The following WDR26 variants were observed in gnomAD, a reference collection of about 807,000 sequenced individuals.
The protein encoded by WDR26 is WD repeat domain 26.
In WDR26, 5 loss-of-function variants were observed where a neutral mutation model predicts 84.1. The observed-to-expected ratio is 0.06, with a 90% CI of 0.03 to 0.13. The LOEUF (loss-of-function observed/expected upper bound fraction) is 0.13, where lower values mean the gene tolerates loss of function less well. Among genes scored for constraint, WDR26 ranks in the 10% least tolerant of loss-of-function variants. The pLI is 1.00. For synonymous variants in WDR26, 415 were observed against 389.6 expected, an observed-to-expected ratio of 1.07 and a Z score of -0.77; for missense variants, 642 against 974.9, an observed-to-expected ratio of 0.66 and a Z score of 4.55.
At chr1:224,428,295 G>T (rs1010901675) in intron 3 of WDR26, among the ~76,000 whole-genome samples, 2 of 152,086 alleles carry the variant, frequency 1.3e-5, no homozygotes, top group African/African-American at 4.8e-5. Context: ...GGTTCTCAAG[G>T]GCGGCCTCCT....
At chr1:224,397,155 A>ATATTTTTTT (rs1673289351) in intron 12 of WDR26, among the ~76,000 whole-genome samples, 2 of 152,092 alleles carry the variant, frequency 1.3e-5, no homozygotes, top group Non-Finnish European at 2.9e-5. Context: ...GATTCAGTAT[A>ATATTTTTTT]TATTTTTTTA....
chr1:224,427,101 C>A, intron 3 of WDR26, among the ~76,000 whole-genome samples: 2 of 64,870 alleles, frequency 3.1e-5, no homozygotes, highest in African/African-American at 1.1e-4. Flanking sequence ...AAAACTCTGT[C>A]TCCAAAAAAA....
chr1:224,411,826 T>C (rs1455111612), intron 6 of WDR26, among the ~76,000 whole-genome samples: 1 of 151,880 alleles, frequency 6.6e-6, no homozygotes, highest in Admixed American at 6.6e-5. Flanking sequence ...CCACCTCAGC[T>C]TCCTGAGTAG....
chr1:224,428,657 G>C (rs1350183122), intron 3 of WDR26, among the ~76,000 whole-genome samples: 2 of 151,900 alleles, frequency 1.3e-5, no homozygotes, highest in African/African-American at 4.8e-5. Context: ...AGCACTCTGC[G>C]AGGCTGAGGC....
Position 224,434,127 on chromosome 1 carries a change from G to A in WDR26, c.279C>T (p.His93=). 2 of 1,426,010 alleles carry A rather than the reference G, an allele frequency of 1.4e-6. No individual in the cohort carries two copies. Among genetic ancestry groups the A allele is most frequent in the Non-Finnish European group, 1.8e-6 (2 of 1,093,876 alleles). 88.3% of individuals were successfully genotyped at this position (1,426,010 alleles called of 1,614,324 possible). ...GCATGATGCTGCCGCTGACCAGGCT[G>A]TGGCCGCTACTTCGGTGGGGGACAG... Residue 93 remains histidine (H), a synonymous_variant, in exon 1 of 14, where the codon CAC becomes CAT. Transcript: ENST00000414423.
At chr1:224,394,878 G>A (rs1202591839) in intron 12 of WDR26, among the ~76,000 whole-genome samples, 1 of 152,154 alleles carries the variant, frequency 6.6e-6, no homozygotes, top group African/African-American at 2.4e-5. Context: ...TGGTAAAGTT[G>A]GGATTCAAAT....
At chr1:224,420,023 T>C (rs530899939) in intron 4 of WDR26, among the ~76,000 whole-genome samples, 6 of 152,304 alleles carry the variant, frequency 3.9e-5, no homozygotes, top group African/African-American at 1.4e-4. Flanking sequence ...TAAGTAGGTA[T>C]ATAAACTCAG....
At chr1:224,428,680 T>C (rs1269918872) in intron 3 of WDR26, among the ~76,000 whole-genome samples, 1 of 151,070 alleles carries the variant, frequency 6.6e-6, no homozygotes. Context: ...GTGGATCACC[T>C]GAGGTCAGGA....
At chr1:224,403,979 T>C (rs986608958) in intron 8 of WDR26, among the ~76,000 whole-genome samples, 2 of 152,110 alleles carry the variant, frequency 1.3e-5, no homozygotes, top group African/African-American at 4.8e-5. Flanking sequence ...ATAAAGCCCT[T>C]AGGAATAAGT....
rs567464634 is a variant in WDR26, at chr1:224,417,883, G to A, written c.1319+377C>T. Among the ~76,000 whole-genome samples, 18 of 152,272 alleles carry A rather than the reference G, an allele frequency of 1.2e-4. No individual in the cohort carries two copies. In the South Asian group the frequency reaches 3.5e-3, roughly 30 times the overall value. ...AAAAAACCCAAACCATAAGTTAATA[G>A]CTGTTGTTCTAGCCATTTTTAGAGC... On this transcript the variant is annotated intron_variant, in intron 6 of 13. Coordinates refer to ENST00000414423, the MANE Select transcript of WDR26 (RefSeq NM_001379403.1).
At chr1:224,392,351 G>A (rs956888668) in intron 13 of WDR26, among the ~76,000 whole-genome samples, 6 of 149,572 alleles carry the variant, frequency 4.0e-5, no homozygotes, top group Non-Finnish European at 7.4e-5. Flanking sequence ...ATGAGACTCC[G>A]TCTCAAAAAA....
intron 12 of WDR26, among the ~76,000 whole-genome samples, chr1:224,394,995 T>C (rs1673221304): frequency 6.6e-6 from 1 of 152,132 alleles, no homozygotes; most frequent in African/African-American, 2.4e-5. Flanking sequence ...ACCACAACAA[T>C]CAAAATCCCC....
At position 224,398,744 on chromosome 1, in the gene WDR26, T is replaced by C. The variant is rs192040656; in HGVS notation, c.1865+145A>G. The C allele has an allele frequency of 3.9e-4, 476 of 1,213,282 alleles. 4 individuals are homozygous for C. In the South Asian group the frequency reaches 4.1e-3, roughly 10 times the overall value. 75.2% of individuals were successfully genotyped at this position (1,213,282 alleles called of 1,614,324 possible). ...TTCAATTGAGAAGAATCTGAGTTAC[T>C]GATTACTAAGTACCATGTGACCTTC... On this transcript the variant is annotated intron_variant, in intron 10 of 13. Coordinates refer to ENST00000414423, the MANE Select transcript of WDR26 (RefSeq NM_001379403.1).
In WDR26 at chr1:224,433,857, C is replaced by T. The variant is rs1674497468; in HGVS notation, c.549G>A (p.Gly183=). 6.5e-7 allele frequency: 1 copy of T among 1,536,926 alleles called. No homozygotes were observed. Among genetic ancestry groups the T allele is most frequent in the Non-Finnish European group, 8.7e-7 (1 of 1,146,784 alleles). Reference sequence around the variant, plus strand: ...CGGTGGCTGAGGATGCGGCGGCCGCCCCGCCGGGAACCCCGTTATTGACAT... The same window carrying T: ...CGGTGGCTGAGGATGCGGCGGCCGCTCCGCCGGGAACCCCGTTATTGACAT... The change falls in exon 1 of 14, where the codon GGG becomes GGA. Residue 183 remains glycine, a synonymous_variant. Transcript: ENST00000414423.
chr1:224,415,302 T>G lies in WDR26; in HGVS notation c.1319+2958A>C, dbSNP rs192374155. ...GAAGTTCTGTTTCGGACATGCTGTG[T>G]TTAATGTACTTGAGAACCCAAATTG... On this transcript the variant is annotated intron_variant, in intron 6 of 13. Transcript: ENST00000414423. Among the ~76,000 whole-genome samples the G allele has an allele frequency of 2.1e-4, 32 of 152,178 alleles. No homozygotes were observed. The East Asian group carries it at 5.8e-3, about 28-fold the overall frequency.
At chr1:224,420,813 T>C (rs1020635898) in intron 4 of WDR26, among the ~76,000 whole-genome samples, 4 of 152,192 alleles carry the variant, frequency 2.6e-5, no homozygotes, top group Admixed American at 1.3e-4. Flanking sequence ...TTAGCCAGGA[T>C]GGTCTTGATC....
chr1:224,396,323 C>T (rs1328788978), intron 12 of WDR26, among the ~76,000 whole-genome samples: 1 of 152,094 alleles, frequency 6.6e-6, no homozygotes, highest in Non-Finnish European at 1.5e-5. Context: ...ACAGAAAGAG[C>T]TGTAAGGGAT....
In WDR26 at chr1:224,415,483, C is replaced by T. The variant is rs531064637; in HGVS notation, c.1319+2777G>A. Among the ~76,000 whole-genome samples, 12 of 92,646 alleles carry T rather than the reference C, an allele frequency of 1.3e-4. No individual in the cohort carries two copies. The South Asian group carries it at 2.9e-3, about 22-fold the overall frequency. 60.8% of individuals were successfully genotyped at this position (92,646 alleles called of 152,430 possible). On this transcript the variant is annotated intron_variant, in intron 6 of 13. Coordinates refer to ENST00000414423, the MANE Select transcript of WDR26 (RefSeq NM_001379403.1). ...TTTTTTTTTTTTTTTTTTTTTGAGA[C>T]GGAGTCTTGCTCTGTCGCCCAAGCT...
intron 7 of WDR26, among the ~76,000 whole-genome samples, chr1:224,406,372 T>C (rs1354059075): frequency 2.0e-5 from 3 of 152,164 alleles, no homozygotes; most frequent in South Asian, 2.1e-4. Flanking sequence ...TTAAGATTTA[T>C]TGAGTTTAGC....
Sources: allele counts gnomAD v4.1 joint callset (sites outside exome capture counted in the v4.1 genomes callset), GRCh38; gene constraint gnomAD v4.1.1; transcripts MANE v1.5; gene names NCBI Gene and HGNC (gene_info 2026-07-23, HGNC 2026-07-21).